Variants in ADK observed in about 807,000 individuals in gnomAD.
ADK encodes the protein adenosine kinase, also known as N6,N6-dimethyladenosine kinase.
Under a neutral mutation model 44.7 loss-of-function variants are expected in ADK, and 24 were observed. The observed-to-expected ratio is 0.54, with a 90% CI of 0.39 to 0.76. The LOEUF is 0.76. Among genes scored for constraint, ADK ranks in the 30% least tolerant of loss-of-function variants. The probability of loss-of-function intolerance (pLI) is 0.00; values close to 1 mark genes in which losing one functional copy is unlikely to be tolerated. For synonymous variants in ADK, 128 were observed against 142.6 expected, an observed-to-expected ratio of 0.90 and a Z score of 0.73; for missense variants, 321 against 425.1, an observed-to-expected ratio of 0.76 and a Z score of 2.15.
intron 6 of ADK, among the ~76,000 whole-genome samples, chr10:74,520,593 TAAA>T (rs10710238): frequency 2.1e-4 from 32 of 149,356 alleles, no homozygotes; most frequent in African/African-American, 7.6e-4. Context: ...TAAACACTGG[TAAA>T]AAAAAAAAGA....
At chr10:74,483,633 C>T (rs1256909906) in intron 6 of ADK, among the ~76,000 whole-genome samples, 1 of 152,166 alleles carries the variant, frequency 6.6e-6, no homozygotes, top group Non-Finnish European at 1.5e-5. Flanking sequence ...CATCTCTTTG[C>T]TCACATATAT....
At chr10:74,417,737 A>G (rs1426072688) in intron 6 of ADK, among the ~76,000 whole-genome samples, 3 of 151,000 alleles carry the variant, frequency 2.0e-5, no homozygotes, top group Non-Finnish European at 4.4e-5. Context: ...GGAGAATCTC[A>G]GTAAATCTAC....
intron 6 of ADK, among the ~76,000 whole-genome samples, chr10:74,479,471 C>T (rs1268799075): frequency 1.4e-5 from 2 of 144,526 alleles, no homozygotes; most frequent in East Asian, 2.0e-4. Context: ...TTTAGTGTCT[C>T]TTTGCCATAC....
chr10:74,246,183 G>A (rs893424225), intron 3 of ADK, among the ~76,000 whole-genome samples: 13 of 152,128 alleles, frequency 8.5e-5, no homozygotes, highest in African/African-American at 2.7e-4. Flanking sequence ...TATATTCAAA[G>A]TAATACTAAG....
chr10:74,652,438 T>C (rs1253197345), intron 9 of ADK, among the ~76,000 whole-genome samples: 1 of 152,008 alleles, frequency 6.6e-6, no homozygotes, highest in Non-Finnish European at 1.5e-5. Context: ...CAATCTCTGC[T>C]TAGGAAAAAT....
intron 3 of ADK, among the ~76,000 whole-genome samples, chr10:74,241,446 C>T (rs776657526): frequency 7.3e-5 from 11 of 151,028 alleles, no homozygotes; most frequent in Non-Finnish European, 1.2e-4. Flanking sequence ...AGTGCAGTGG[C>T]GAGATCTCAG....
intron 3 of ADK, among the ~76,000 whole-genome samples, chr10:74,295,750 T>G (rs1201291103): frequency 1.0e-5 from 1 of 96,552 alleles, no homozygotes; most frequent in African/African-American, 3.1e-5. Context: ...TTTGTAGGAA[T>G]GTTCCATTAA....
intron 3 of ADK, among the ~76,000 whole-genome samples, chr10:74,225,186 C>A (rs897400889): frequency 3.3e-5 from 5 of 152,118 alleles, no homozygotes; most frequent in Non-Finnish European, 5.9e-5. Context: ...CAAGCAATTC[C>A]CCTGCCTTAG....
intron 10 of ADK, among the ~76,000 whole-genome samples, chr10:74,699,013 A>ATTT (rs529911090): frequency 5.0e-5 from 7 of 140,074 alleles, no homozygotes; most frequent in South Asian, 4.6e-4. Context: ...CGCCCAGCTA[A>ATTT]TTTTTTTTTT....
At chr10:74,507,455 A>G (rs911039588) in intron 6 of ADK, among the ~76,000 whole-genome samples, 1 of 151,932 alleles carries the variant, frequency 6.6e-6, no homozygotes, top group Non-Finnish European at 1.5e-5. Context: ...TCTACAAAAC[A>G]TCCAAAAATT....
At chr10:74,191,608 A>G (rs1842954320) in intron 1 of ADK, among the ~76,000 whole-genome samples, 1 of 152,292 alleles carries the variant, frequency 6.6e-6, no homozygotes, top group South Asian at 2.1e-4. Flanking sequence ...CTTTTGAAAT[A>G]CAACTCACAG....
chr10:74,423,769 T>A, intron 6 of ADK: 1 of 386,400 alleles, frequency 2.6e-6, no homozygotes. Context: ...TTTGGTGATT[T>A]CATAGTACAT....
chr10:74,443,322 G>T (rs979425934), intron 6 of ADK, among the ~76,000 whole-genome samples: 1 of 152,040 alleles, frequency 6.6e-6, no homozygotes, highest in African/African-American at 2.4e-5. Flanking sequence ...AAAATTGAAA[G>T]AAAAATGTAT....
chr10:74,201,752 T>C (rs563234063), intron 2 of ADK, among the ~76,000 whole-genome samples: 1 of 151,862 alleles, frequency 6.6e-6, no homozygotes, highest in African/African-American at 2.4e-5. Flanking sequence ...GTACTATCCA[T>C]GGTTTCAGAT....
chr10:74,305,238 A>G (rs1256964007), intron 3 of ADK, among the ~76,000 whole-genome samples: 2 of 152,186 alleles, frequency 1.3e-5, no homozygotes, highest in African/African-American at 4.8e-5. Flanking sequence ...GAACATACGG[A>G]TATGGAGGGC....
At chr10:74,465,157 T>A (rs950284164) in intron 6 of ADK, among the ~76,000 whole-genome samples, 3 of 152,102 alleles carry the variant, frequency 2.0e-5, no homozygotes, top group African/African-American at 7.2e-5. Context: ...TTAGGGAAAG[T>A]CTCACCCAAG....
At chr10:74,215,507 T>C (rs1564597740) in intron 2 of ADK, among the ~76,000 whole-genome samples, 1 of 151,850 alleles carries the variant, frequency 6.6e-6, no homozygotes, top group Non-Finnish European at 1.5e-5. Context: ...GATGGGGTTT[T>C]GCTGATGGGG....
At chr10:74,226,917 T>C (rs993606378) in intron 3 of ADK, among the ~76,000 whole-genome samples, 2 of 152,208 alleles carry the variant, frequency 1.3e-5, no homozygotes, top group Non-Finnish European at 2.9e-5. Context: ...TTGACCTACA[T>C]ACCAAAGAAA....
intron 9 of ADK, among the ~76,000 whole-genome samples, chr10:74,641,042 C>A (rs2134097133): frequency 6.6e-6 from 1 of 152,236 alleles, no homozygotes; most frequent in South Asian, 2.1e-4. Context: ...CTTTGACTTC[C>A]CAATTAAGGA....
Sources: gnomAD v4.1 joint callset for allele counts (sites outside exome capture counted in the v4.1 genomes callset) on GRCh38, gnomAD v4.1.1 for gene constraint, MANE v1.5 for transcripts, NCBI Gene and HGNC (gene_info 2026-07-23, HGNC 2026-07-21) for gene names.